OSBPL8: variants seen among roughly 807,000 people sequenced by gnomAD.
The protein encoded by OSBPL8 is oxysterol-binding protein-related protein 8.
Under a neutral mutation model 125.5 loss-of-function variants are expected in OSBPL8, and 59 were observed. The ratio of observed to expected loss-of-function variants is 0.47; its 90% CI spans 0.38 to 0.58. The LOEUF is 0.58. Ranked by LOEUF, OSBPL8 falls within the 20% of genes least tolerant of loss-of-function variation. The probability of loss-of-function intolerance (pLI) is 0.00; values close to 1 mark genes in which losing one functional copy is unlikely to be tolerated. For synonymous variants in OSBPL8, 330 were observed against 338.9 expected, an observed-to-expected ratio of 0.97 and a Z score of 0.29; for missense variants, 758 against 1,047.8, an observed-to-expected ratio of 0.72 and a Z score of 3.82.
chr12:76,439,906 A>C (rs1406663228), intron 4 of OSBPL8, among the ~76,000 whole-genome samples: 1 of 152,058 alleles, frequency 6.6e-6, no homozygotes, highest in East Asian at 1.9e-4. Context: ...GCCTTTACAA[A>C]CAACCATCAT....
At chr12:76,452,655 C>T (rs934153716) in intron 3 of OSBPL8, among the ~76,000 whole-genome samples, 6 of 152,130 alleles carry the variant, frequency 3.9e-5, no homozygotes, top group African/African-American at 1.4e-4. Context: ...CAGAAATATC[C>T]TCACTGGCTT....
chr12:76,535,177 A>T (rs1950457205), intron 1 of OSBPL8, among the ~76,000 whole-genome samples: 1 of 152,144 alleles, frequency 6.6e-6, no homozygotes, highest in African/African-American at 2.4e-5. Context: ...TTTTTAAAAA[A>T]GGCAAGACAT....
At chr12:76,395,383 TATAATTTTGATACAAAAGC>T (rs1418395676) in intron 8 of OSBPL8, among the ~76,000 whole-genome samples, 1 of 152,198 alleles carries the variant, frequency 6.6e-6, no homozygotes, top group Non-Finnish European at 1.5e-5. Context: ...GAATTTAAAG[TATAATTTTGATACAAAAGC>T]ATAATTTTTA....
At chr12:76,425,520 C>G (rs965648215) in intron 4 of OSBPL8, among the ~76,000 whole-genome samples, 2 of 152,132 alleles carry the variant, frequency 1.3e-5, no homozygotes, top group African/African-American at 2.4e-5. Context: ...GCATGGGGTA[C>G]AGAAACAGGA....
At chr12:76,369,324 AAC>A (rs1555207064) in intron 20 of OSBPL8, 23 bp from the exon 21 acceptor site, 1 of 1,573,514 alleles carries the variant, frequency 6.4e-7, no homozygotes, top group South Asian at 1.2e-5. Flanking sequence ...AAAAAAAAAA[AAC>A]CATTTGCTCA....
rs1878766481 is a variant in OSBPL8, at chr12:76,491,987, T to C, written c.-67-4369A>G. 2.6e-5 allele frequency among the ~76,000 whole-genome samples: 4 copies of C among 152,282 alleles called. No homozygotes were observed. In the South Asian group the frequency reaches 6.2e-4, roughly 24 times the overall value. ...TAGGTATTATACTGACCACTTTGAA[T>C]ACATCAATTTGCAAAGCAAACAAAC... On this transcript the variant is annotated intron_variant, in intron 1 of 23. Transcript: ENST00000261183.
At chr12:76,444,517 A>G (rs913366046) in intron 4 of OSBPL8, among the ~76,000 whole-genome samples, 1 of 152,236 alleles carries the variant, frequency 6.6e-6, no homozygotes, top group African/African-American at 2.4e-5. Context: ...AGCACAAATA[A>G]AAGTACAGTC....
rs565404140 is a variant in OSBPL8, at chr12:76,489,544, G to C, written c.-67-1926C>G. Among the ~76,000 whole-genome samples, 6 of 152,238 alleles carry C rather than the reference G, an allele frequency of 3.9e-5. No homozygotes were observed. In the East Asian group the frequency reaches 1.2e-3, roughly 29 times the overall value. ...TGTGCACTATAAATAAAACAACAAA[G>C]CCTGTATGATAGCACATCTGTTTAC... On this transcript the variant is annotated intron_variant, in intron 1 of 23. Coordinates refer to ENST00000261183, the MANE Select transcript of OSBPL8 (RefSeq NM_020841.5).
At chr12:76,405,228 G>A (rs1954207031) in intron 5 of OSBPL8, among the ~76,000 whole-genome samples, 1 of 152,152 alleles carries the variant, frequency 6.6e-6, no homozygotes, top group Non-Finnish European at 1.5e-5. Context: ...GGAGGCTAAG[G>A]CGGGAGGATT....
chr12:76,441,433 G>A (rs1435457377), intron 4 of OSBPL8, among the ~76,000 whole-genome samples: 1 of 152,014 alleles, frequency 6.6e-6, no homozygotes, highest in Non-Finnish European at 1.5e-5. Flanking sequence ...CAATTCTACT[G>A]ATATTACTTG....
intron 1 of OSBPL8, among the ~76,000 whole-genome samples, chr12:76,512,133 C>T (rs530956956): frequency 1.6e-4 from 25 of 152,268 alleles, no homozygotes; most frequent in Non-Finnish European, 3.2e-4. Context: ...TAACCCTCCC[C>T]GCTCAAGTAG....
chr12:76,487,511 G>A lies in OSBPL8; in HGVS notation c.41C>T (p.Ser14Leu), dbSNP rs142756436. 83 of 1,603,664 alleles carry A rather than the reference G, an allele frequency of 5.2e-5. No individual in the cohort carries two copies. The African/African-American group carries it at 6.7e-4, about 13-fold the overall frequency. The change falls in exon 2 of 24, where the codon TCG becomes TTG. Residue 14 changes from serine to leucine, a missense_variant and splice_region_variant. Physicochemically the swap from Ser to Leu is moderately radical, Grantham distance 145. Coordinates refer to ENST00000261183, the MANE Select transcript of OSBPL8 (RefSeq NM_020841.5). The part of the protein sequence containing the change: ...GLADGEPDRT[S>L]LLGDSKDVLG... ...CTATGTCATATATGAACTACTCACCGAAGTTCGATCAGGTTCTCCATCTGC... is the reference window on the plus strand; with the variant it reads ...CTATGTCATATATGAACTACTCACCAAAGTTCGATCAGGTTCTCCATCTGC...
At chr12:76,478,307 A>G (rs1877056629) in intron 2 of OSBPL8, among the ~76,000 whole-genome samples, 1 of 152,194 alleles carries the variant, frequency 6.6e-6, no homozygotes, top group Non-Finnish European at 1.5e-5. Context: ...GAGGATAAAA[A>G]AGACAAATAA....
At position 76,355,947 on chromosome 12, in the gene OSBPL8, T is replaced by C. The variant is rs201208410; in HGVS notation, c.2612A>G (p.Tyr871Cys). 12 of 1,613,422 alleles carry C rather than the reference T, an allele frequency of 7.4e-6. No homozygotes were observed. The African/African-American group carries it at 1.2e-4, about 16-fold the overall frequency. The change falls in exon 24 of 24, where the codon TAC becomes TGC. Residue 871 changes from tyrosine (Y) to cysteine (C), a missense_variant. Physicochemically the swap from Tyr to Cys is radical, Grantham distance 194. Coordinates refer to ENST00000261183, the MANE Select transcript of OSBPL8 (RefSeq NM_020841.5). ...ATDYFLQQKD[Y>C]FIIFLLILLQ... is the part of the protein sequence containing the mutation. ...CAAAATCAGGAGGAAAATGATGAAG[T>C]AGTCTTTTTGTTGCAGAAAATAATC...
intron 4 of OSBPL8, among the ~76,000 whole-genome samples, chr12:76,419,418 T>A (rs1453336495): frequency 1.3e-5 from 2 of 152,172 alleles, no homozygotes; most frequent in Non-Finnish European, 2.9e-5. Flanking sequence ...ACAAAAATTA[T>A]AATACAGTAA....
intron 2 of OSBPL8, among the ~76,000 whole-genome samples, chr12:76,482,802 CAT>C (rs964766239): frequency 2.4e-4 from 37 of 152,092 alleles, no homozygotes; most frequent in African/African-American, 8.7e-4. Flanking sequence ...TAGTTTTAGA[CAT>C]ATATTAAAAA....
In OSBPL8 at chr12:76,464,520, C is replaced by CA. The variant is rs927439715; in HGVS notation, c.43-4626dup. 2.1e-3 allele frequency among the ~76,000 whole-genome samples: 311 copies of CA among 151,482 alleles called. 1 individual carries two copies. Among genetic ancestry groups the CA allele is most frequent in the African/African-American group, 6.7e-3 (277 of 41,324 alleles). ...TAAATCTCAGAAATAGTGCACAATG[C>CA]AAAAAAAAGTGATTTTATTTTATTG... On this transcript the variant is annotated intron_variant, in intron 2 of 23. Transcript: ENST00000261183.
chr12:76,515,494 A>G (rs565642085), intron 1 of OSBPL8, among the ~76,000 whole-genome samples: 20 of 152,288 alleles, frequency 1.3e-4, no homozygotes, highest in South Asian at 1.2e-3. Flanking sequence ...GTCAGTTGGT[A>G]GAATCTTGCT....
At chr12:76,366,745 G>A (rs778966896) in intron 21 of OSBPL8, among the ~76,000 whole-genome samples, 2 of 151,990 alleles carry the variant, frequency 1.3e-5, no homozygotes, top group Admixed American at 6.6e-5. Flanking sequence ...ACTTGTCTAA[G>A]TATTATCTAA....
Sources: gnomAD v4.1 joint callset for allele counts (sites outside exome capture counted in the v4.1 genomes callset) on GRCh38, gnomAD v4.1.1 for gene constraint, MANE v1.5 for transcripts, NCBI Gene and HGNC (gene_info 2026-07-23, HGNC 2026-07-21) for gene names.